The following CHRNA7 variants were observed in gnomAD, a reference collection of about 807,000 sequenced individuals.
The protein encoded by CHRNA7 is cholinergic receptor nicotinic alpha 7 subunit.
CHRNA7 carries 17 observed loss-of-function variants against 48.0 expected under a neutral mutation model. That is an observed-to-expected ratio of 0.35 (90% CI 0.24 to 0.53). The LOEUF (loss-of-function observed/expected upper bound fraction) is 0.53, where lower values mean the gene tolerates loss of function less well. CHRNA7 is among the 20% of genes least tolerant of loss of function. The pLI is 0.92. For synonymous variants in CHRNA7, 75 were observed against 242.3 expected, an observed-to-expected ratio of 0.31 and a Z score of 6.41; for missense variants, 155 against 577.7, an observed-to-expected ratio of 0.27 and a Z score of 7.50.
intron 2 of CHRNA7, among the ~76,000 whole-genome samples, chr15:32,040,083 A>T (rs2049419782): frequency 6.6e-6 from 1 of 152,030 alleles, no homozygotes; most frequent in African/African-American, 2.4e-5. Flanking sequence ...TTCTTGGATT[A>T]GTGTTAGCAT....
intron 2 of CHRNA7, among the ~76,000 whole-genome samples, chr15:32,033,047 C>T (rs1901919202): frequency 6.6e-6 from 1 of 152,128 alleles, no homozygotes; most frequent in Non-Finnish European, 1.5e-5. Context: ...ATTCCAGTGT[C>T]CTTAGGAAAT....
At chr15:32,124,442 G>T (rs2051029923) in intron 4 of CHRNA7, among the ~76,000 whole-genome samples, 1 of 152,170 alleles carries the variant, frequency 6.6e-6, no homozygotes, top group Non-Finnish European at 1.5e-5. Flanking sequence ...TCAAGAAAGG[G>T]TAAGTATGCT....
At chr15:32,043,040 G>A (rs2049476381) in intron 2 of CHRNA7, among the ~76,000 whole-genome samples, 1 of 152,118 alleles carries the variant, frequency 6.6e-6, no homozygotes, top group Admixed American at 6.6e-5. Flanking sequence ...TAGATGTGTA[G>A]AGAAATATTT....
chr15:32,045,374 A>C (rs2049522307), intron 2 of CHRNA7, among the ~76,000 whole-genome samples: 1 of 152,132 alleles, frequency 6.6e-6, no homozygotes, highest in South Asian at 2.1e-4. Context: ...GACAACAGCC[A>C]CCCCATGGGT....
intron 2 of CHRNA7, among the ~76,000 whole-genome samples, chr15:32,055,985 A>G (rs975738440): frequency 2.6e-5 from 4 of 152,072 alleles, no homozygotes; most frequent in African/African-American, 4.8e-5. Flanking sequence ...TATCAAAAAA[A>G]AAAACCAAAA....
At chr15:32,061,468 A>T (rs2049877506) in intron 2 of CHRNA7, among the ~76,000 whole-genome samples, 1 of 152,200 alleles carries the variant, frequency 6.6e-6, no homozygotes, top group South Asian at 2.1e-4. Flanking sequence ...CTATTAGGAC[A>T]ATTCAGAGAG....
chr15:32,080,160 T>G (rs2050194022), intron 2 of CHRNA7, among the ~76,000 whole-genome samples: 1 of 152,166 alleles, frequency 6.6e-6, no homozygotes, highest in African/African-American at 2.4e-5. Flanking sequence ...TCAGGGTGGA[T>G]TAAAGACTTA....
At chr15:32,054,476 T>C (rs2049750263) in intron 2 of CHRNA7, among the ~76,000 whole-genome samples, 1 of 152,096 alleles carries the variant, frequency 6.6e-6, no homozygotes, top group Non-Finnish European at 1.5e-5. Flanking sequence ...TGTAGTAGAG[T>C]AGATATACAC....
At chr15:32,056,213 A>G (rs1379873074) in intron 2 of CHRNA7, among the ~76,000 whole-genome samples, 2 of 152,102 alleles carry the variant, frequency 1.3e-5, no homozygotes, top group African/African-American at 4.8e-5. Context: ...ACAGTGTCAT[A>G]TTTTAAAAGT....
At position 32,041,161 on chromosome 15, in the gene CHRNA7, G is replaced by T. The variant is rs370955106; in HGVS notation, c.195+10124G>T. Among the ~76,000 whole-genome samples the T allele has an allele frequency of 6.6e-4, 101 of 152,192 alleles. No homozygotes were observed. The South Asian group carries it at 0.02, about 30-fold the overall frequency. ...TTTTTTCCCCCACATGTATCAGCTT[G>T]CTGTTTTCTGAGATTCCTGGATGTG... On this transcript the variant is annotated intron_variant, in intron 2 of 9. Coordinates refer to ENST00000306901, the MANE Select transcript of CHRNA7 (RefSeq NM_000746.6).
intron 2 of CHRNA7, among the ~76,000 whole-genome samples, chr15:32,049,111 A>G (rs2049615049): frequency 6.6e-6 from 1 of 151,148 alleles, no homozygotes; most frequent in African/African-American, 2.5e-5. Flanking sequence ...GCTGAAAAAA[A>G]TGTATATTCT....
intron 2 of CHRNA7, among the ~76,000 whole-genome samples, chr15:32,069,307 T>G (rs774891257): frequency 1.4e-4 from 22 of 152,206 alleles, no homozygotes; most frequent in Non-Finnish European, 2.9e-4. Context: ...AGGATATTTA[T>G]CCAATGAAAT....
chr15:32,131,703 G>T (rs1257917280), intron 4 of CHRNA7, among the ~76,000 whole-genome samples: 1 of 152,122 alleles, frequency 6.6e-6, no homozygotes, highest in East Asian at 1.9e-4. Flanking sequence ...CATTAAAGTT[G>T]AGGTTTTTTT....
At chr15:32,050,465 T>C (rs370943026) in intron 2 of CHRNA7, among the ~76,000 whole-genome samples, 1 of 152,246 alleles carries the variant, frequency 6.6e-6, no homozygotes, top group African/African-American at 2.4e-5. Flanking sequence ...GCATTCTTCA[T>C]GTAGTTCTCG....
At chr15:32,068,985 G>A (rs2141215138) in intron 2 of CHRNA7, among the ~76,000 whole-genome samples, 1 of 152,252 alleles carries the variant, frequency 6.6e-6, no homozygotes, top group Non-Finnish European at 1.5e-5. Context: ...GACTTGAATG[G>A]CTTTCGTCTG....
chr15:32,042,658 T>C (rs1420912024), intron 2 of CHRNA7, among the ~76,000 whole-genome samples: 1 of 152,334 alleles, frequency 6.6e-6, no homozygotes, highest in Non-Finnish European at 1.5e-5. Flanking sequence ...TTTTGCTGAT[T>C]AGTCTCTGCT....
intron 2 of CHRNA7, among the ~76,000 whole-genome samples, chr15:32,045,701 G>A (rs1393246854): frequency 2.0e-5 from 3 of 151,494 alleles, no homozygotes; most frequent in Admixed American, 2.0e-4. Flanking sequence ...AAGTTTTAGG[G>A]TACATGTGCA....
intron 2 of CHRNA7, among the ~76,000 whole-genome samples, chr15:32,096,110 T>C (rs907407460): frequency 1.3e-5 from 2 of 152,216 alleles, no homozygotes; most frequent in Admixed American, 1.3e-4. Flanking sequence ...TCTCCCATAA[T>C]CTCCATTATT....
At position 32,152,975 on chromosome 15, in the gene CHRNA7, C is replaced by T. The variant is rs141763433; in HGVS notation, c.351-932C>T. Among the ~76,000 whole-genome samples, 1,344 of 152,136 alleles carry T rather than the reference C, an allele frequency of 8.8e-3. 20 individuals carry two copies. The highest frequency in any genetic ancestry group is 0.03 in the African/African-American group (1,235 of 41,496). On this transcript the variant is annotated intron_variant, in intron 4 of 9. Coordinates refer to ENST00000306901, the MANE Select transcript of CHRNA7 (RefSeq NM_000746.6). The stretch of plus-strand genomic sequence containing the variant: ...GGCTGCAGGAGGCTGGAACAGGGGA[C>T]GGAGAGGGGCAGTGGTGCATCCGTC...
Sources: allele counts gnomAD v4.1 joint callset (sites outside exome capture counted in the v4.1 genomes callset), GRCh38; gene constraint gnomAD v4.1.1; transcripts MANE v1.5; gene names NCBI Gene and HGNC (gene_info 2026-07-23, HGNC 2026-07-21).